Variants in BICC1 observed in about 807,000 individuals in gnomAD.
BICC1 encodes the protein protein bicaudal C homolog 1.
A neutral mutation model predicts 111.0 loss-of-function variants in BICC1; 43 were observed. The ratio of observed to expected loss-of-function variants is 0.39; its 90% CI spans 0.30 to 0.50. The LOEUF is 0.50. BICC1 is among the 20% of genes least tolerant of loss of function. The probability of loss-of-function intolerance (pLI) is 0.88; values close to 1 mark genes in which losing one functional copy is unlikely to be tolerated. For synonymous variants in BICC1, 467 were observed against 434.4 expected (o/e 1.07, Z -0.93); for missense variants, 1,091 against 1,203.2 (o/e 0.91, Z 1.38).
intron 1 of BICC1, among the ~76,000 whole-genome samples, chr10:58,561,686 T>G (rs1329047053): frequency 1.3e-5 from 2 of 152,098 alleles, no homozygotes; most frequent in African/African-American, 4.8e-5. Flanking sequence ...TAGGGTTTGA[T>G]TCCTTTCTCA....
intron 2 of BICC1, among the ~76,000 whole-genome samples, chr10:58,656,986 G>T (rs1161624196): frequency 2.0e-5 from 3 of 152,086 alleles, no homozygotes; most frequent in African/African-American, 7.2e-5. Flanking sequence ...CCCAGTCTGG[G>T]ATTTGCTTGA....
chr10:58,644,523 T>G (rs1268496493), intron 2 of BICC1, among the ~76,000 whole-genome samples: 1 of 152,222 alleles, frequency 6.6e-6, no homozygotes, highest in Non-Finnish European at 1.5e-5. Context: ...TGGTTTTTGT[T>G]TAAGGCATGT....
rs187388213 is a variant in BICC1 at position 58,747,661 on chromosome 10, A to T, written c.308-37340A>T. Among the ~76,000 whole-genome samples, 19 of 152,258 alleles carry T rather than the reference A, an allele frequency of 1.2e-4. No individual in the cohort carries two copies. The East Asian group carries it at 3.1e-3, about 25-fold the overall frequency. On this transcript the variant is annotated intron_variant, in intron 3 of 20. Transcript: ENST00000373886. ...AGTTATTTTAAAATATACATTATGGAGTATATACCTTAGATAACATAAACC... is the reference window on the plus strand; with the variant it reads ...AGTTATTTTAAAATATACATTATGGTGTATATACCTTAGATAACATAAACC...
chr10:58,792,356 T>G (rs1843208326), intron 8 of BICC1, among the ~76,000 whole-genome samples: 1 of 152,010 alleles, frequency 6.6e-6, no homozygotes. Flanking sequence ...TTAGGTTAAG[T>G]AGGATTTATA....
intron 1 of BICC1, among the ~76,000 whole-genome samples, chr10:58,527,918 T>C (rs1842587076): frequency 6.6e-6 from 1 of 151,954 alleles, no homozygotes; most frequent in South Asian, 2.1e-4. Context: ...CTTTCTCAGT[T>C]TCTCCCTTTA....
chr10:58,653,295 G>A (rs950059827), intron 2 of BICC1, among the ~76,000 whole-genome samples: 5 of 152,048 alleles, frequency 3.3e-5, no homozygotes, highest in Non-Finnish European at 5.9e-5. Context: ...ATAGTTTTGG[G>A]ATTCATGGAG....
intron 1 of BICC1, among the ~76,000 whole-genome samples, chr10:58,554,479 T>C (rs1843387125): frequency 6.6e-6 from 1 of 152,214 alleles, no homozygotes; most frequent in Non-Finnish European, 1.5e-5. Context: ...TTAGCCATTA[T>C]AAACGCCTTA....
chr10:58,814,065 G>A (rs1844006263), intron 18 of BICC1, 79 bp downstream of exon 18: 3 of 1,516,706 alleles, frequency 2.0e-6, no homozygotes, highest in Admixed American at 1.7e-5. Flanking sequence ...ATCACTGACT[G>A]TGGCCTCTCT....
chr10:58,724,866 T>C (rs964159678), intron 3 of BICC1, among the ~76,000 whole-genome samples: 2 of 152,202 alleles, frequency 1.3e-5, no homozygotes, highest in Non-Finnish European at 2.9e-5. Flanking sequence ...TGGTGGAGTC[T>C]GGGTAAGAAG....
intron 1 of BICC1, among the ~76,000 whole-genome samples, chr10:58,553,988 T>C (rs963117861): frequency 6.6e-6 from 1 of 152,202 alleles, no homozygotes; most frequent in Non-Finnish European, 1.5e-5. Flanking sequence ...GAATAACTTA[T>C]GTTTCAATTT....
In BICC1 at chr10:58,616,829, G is replaced by A. The variant is rs111921320; in HGVS notation, c.191-4026G>A. ...TTTCACAGTGTTGCTGCAGGGCTAT[G>A]TGCATAGCCCCACCATATGTCATGG... On this transcript the variant is annotated intron_variant, in intron 1 of 20. Transcript: ENST00000373886. Among the ~76,000 whole-genome samples the A allele has an allele frequency of 1.4e-3, 216 of 152,374 alleles. 2 individuals are homozygous for A. Among genetic ancestry groups the A allele is most frequent in the African/African-American group, 4.8e-3 (201 of 41,606 alleles).
chr10:58,613,800 C>T (rs944509625), intron 1 of BICC1, among the ~76,000 whole-genome samples: 1 of 152,150 alleles, frequency 6.6e-6, no homozygotes, highest in Non-Finnish European at 1.5e-5. Flanking sequence ...TTGGCTTAAT[C>T]TCACCAGTTA....
intron 2 of BICC1, among the ~76,000 whole-genome samples, chr10:58,666,544 T>C (rs1201040807): frequency 6.6e-6 from 1 of 152,172 alleles, no homozygotes; most frequent in African/African-American, 2.4e-5. Context: ...TGAATCCTTA[T>C]CCAAGCACAC....
Position 58,797,600 on chromosome 10 carries a change from C to T in BICC1, c.1367-799C>T, listed in dbSNP as rs150320662. On this transcript the variant is annotated intron_variant, in intron 10 of 20. Coordinates refer to ENST00000373886, the MANE Select transcript of BICC1 (RefSeq NM_001080512.3). ...TAGGTAACTTAGCAGGAACCTAGTT[C>T]ATCCTGCACTACAGAGAAAACAAGT... 2.4e-3 allele frequency among the ~76,000 whole-genome samples: 362 copies of T among 152,288 alleles called. 1 individual carries two copies. Among genetic ancestry groups the T allele is most frequent in the South Asian group, 5.8e-3 (28 of 4,818 alleles).
At chr10:58,700,728 GCAGT>G (rs1208568650) in intron 2 of BICC1, among the ~76,000 whole-genome samples, 1 of 152,160 alleles carries the variant, frequency 6.6e-6, no homozygotes, top group Non-Finnish European at 1.5e-5. Flanking sequence ...CTTTGACCTC[GCAGT>G]CAGAGAAGTA....
At chr10:58,699,646 T>C (rs117928567) in intron 2 of BICC1, among the ~76,000 whole-genome samples, 1 of 152,252 alleles carries the variant, frequency 6.6e-6, no homozygotes, top group East Asian at 1.9e-4. Flanking sequence ...GTTTTCTTAC[T>C]GCCTCCCCAC....
chr10:58,513,437 C>A, intron 1 of BICC1, 104 bp downstream of exon 1: 2 of 908,176 alleles, frequency 2.2e-6, no homozygotes, highest in East Asian at 3.3e-5. Flanking sequence ...CTACGGCCGG[C>A]CGGTTTAGCT....
chr10:58,633,257 A>G (rs1837853605), intron 2 of BICC1, among the ~76,000 whole-genome samples: 1 of 152,200 alleles, frequency 6.6e-6, no homozygotes, highest in Non-Finnish European at 1.5e-5. Context: ...TGCAACTGTG[A>G]GCCAATTAAA....
intron 3 of BICC1, among the ~76,000 whole-genome samples, chr10:58,784,315 A>G (rs1842953370): frequency 6.6e-6 from 1 of 152,208 alleles, no homozygotes; most frequent in African/African-American, 2.4e-5. Context: ...TGGTGAATGA[A>G]TGAATGCTTT....
Sources: allele counts gnomAD v4.1 joint callset (sites outside exome capture counted in the v4.1 genomes callset), GRCh38; gene constraint gnomAD v4.1.1; transcripts MANE v1.5; gene names NCBI Gene and HGNC (gene_info 2026-07-23, HGNC 2026-07-21).